The following MYL12A variants were observed in gnomAD, a reference collection of about 807,000 sequenced individuals.
MYL12A encodes the protein myosin light chain 12A.
In MYL12A, 11 loss-of-function variants were observed where a neutral mutation model predicts 13.3. The observed-to-expected ratio is 0.83, with a 90% CI of 0.52 to 1.37. MYL12A has a LOEUF of 1.37. Ranked by LOEUF, MYL12A falls within the 40% of genes most tolerant of loss-of-function variation. The probability of loss-of-function intolerance (pLI) is 0.00; values close to 1 mark genes in which losing one functional copy is unlikely to be tolerated. For synonymous variants in MYL12A, 51 were observed against 69.9 expected (o/e 0.73, Z 1.35); for missense variants, 146 against 212.3 (o/e 0.69, Z 1.94).
chr18:3,255,943 G>T lies in MYL12A; in HGVS notation c.*25G>T, dbSNP rs189386189. Reference sequence around the variant, plus strand: ...AAATAACTTCAAATTCCAGCCAAACGTTCCTTGTTGCCACTTTGGGTATTC... The same window carrying T: ...AAATAACTTCAAATTCCAGCCAAACTTTCCTTGTTGCCACTTTGGGTATTC... On this transcript the variant is annotated 3_prime_UTR_variant, in exon 4 of 4. Transcript: ENST00000217652. 1 of 1,609,414 alleles carries T rather than the reference G, an allele frequency of 6.2e-7. No individual in the cohort carries two copies. The highest frequency in any genetic ancestry group is 1.3e-5 in the African/African-American group (1 of 74,840).
intron 1 of MYL12A, chr18:3,252,388 T>TG: frequency 6.7e-7 from 1 of 1,502,018 alleles, no homozygotes; most frequent in Non-Finnish European, 8.9e-7. Flanking sequence ...TTTTGTAGTT[T>TG]TTAACAGATT....
At chr18:3,249,365 C>T (rs899029688) in intron 1 of MYL12A, 1 of 152,134 alleles carries the variant, frequency 6.6e-6, no homozygotes, top group African/African-American at 2.4e-5. Flanking sequence ...TTACAGCCCA[C>T]AATGATTCTG....
In MYL12A at chr18:3,253,373, G is replaced by T; in HGVS notation, c.126G>T (p.Gln42His). Residue 42 changes from glutamine to histidine, a missense_variant, in exon 2 of 4, where the codon CAG (glutamine) becomes CAT (histidine). Coordinates refer to ENST00000217652, the MANE Select transcript of MYL12A (RefSeq NM_006471.4). ...EFKEAFNMID[Q>H]NRDGFIDKED... is the part of the protein sequence containing the mutation. The stretch of plus-strand genomic sequence containing the variant: ...AAGAGGCCTTCAACATGATTGATCA[G>T]AACAGAGATGGTTTCATCGACAAGG... 1 of 1,613,904 alleles carries T rather than the reference G, an allele frequency of 6.2e-7. No individual in the cohort carries two copies. The highest frequency in any genetic ancestry group is 2.2e-5 in the East Asian group (1 of 44,874).
intron 2 of MYL12A, 66 bp downstream of exon 2, chr18:3,253,494 A>C: frequency 1.4e-5 from 22 of 1,558,520 alleles, no homozygotes; most frequent in South Asian, 2.4e-5. Context: ...TCTTGATTTC[A>C]TGAGTCTTAA....
At chr18:3,252,325 G>A in intron 1 of MYL12A, 3 of 1,532,770 alleles carry the variant, frequency 2.0e-6, no homozygotes, top group Non-Finnish European at 2.6e-6. Context: ...TCTGAAGGAT[G>A]GTATGGTAGA....
In MYL12A at chr18:3,252,255, C is replaced by G. The variant is rs2081493403; in HGVS notation, c.-15-978C>G. ...TAGACCTGCTTGGAAGAATATAACT[C>G]AATGCAGTGTCTTACTTTTGCTGCT... On this transcript the variant is annotated intron_variant, in intron 1 of 3. Coordinates refer to ENST00000217652, the MANE Select transcript of MYL12A (RefSeq NM_006471.4). 4.6e-6 allele frequency: 6 copies of G among 1,307,554 alleles called. No homozygotes were observed. The African/African-American group carries it at 5.9e-5, about 13-fold the overall frequency. 81.0% of individuals were successfully genotyped at this position (1,307,554 alleles called of 1,614,324 possible).
chr18:3,254,564 A>C (rs922310804), intron 3 of MYL12A, among the ~76,000 whole-genome samples: 1 of 152,250 alleles, frequency 6.6e-6, no homozygotes, highest in Non-Finnish European at 1.5e-5. Flanking sequence ...CAAGTTGCTT[A>C]ACTTTCTCTA....
intron 1 of MYL12A, among the ~76,000 whole-genome samples, chr18:3,251,308 ATTTAG>A (rs1567983554): frequency 6.6e-6 from 1 of 150,840 alleles, no homozygotes; most frequent in African/African-American, 2.4e-5. Context: ...ACCCTCGTAA[ATTTAG>A]TTATATGAGA....
At chr18:3,255,623 A>G (rs1567985172) in intron 3 of MYL12A, 123 bp from the exon 4 acceptor site, 6 of 1,229,762 alleles carry the variant, frequency 4.9e-6, no homozygotes, top group Non-Finnish European at 3.3e-6. Flanking sequence ...GACACCCTGT[A>G]GTTCATATAT....
chr18:3,255,580 G>T (rs2081528400), intron 3 of MYL12A, 166 bp from the exon 4 acceptor site: 6 of 795,366 alleles, frequency 7.5e-6, no homozygotes, highest in Non-Finnish European at 1.1e-5. Context: ...ATTTTTCTAG[G>T]CACTTCTCTG....
intron 3 of MYL12A, among the ~76,000 whole-genome samples, chr18:3,255,132 G>A (rs998321524): frequency 6.6e-6 from 1 of 152,154 alleles, no homozygotes; most frequent in African/African-American, 2.4e-5. Flanking sequence ...CATAGTTAGT[G>A]CTCAAATATT....
At chr18:3,251,749 T>A (rs1369117642) in intron 1 of MYL12A, among the ~76,000 whole-genome samples, 2 of 152,190 alleles carry the variant, frequency 1.3e-5, no homozygotes, top group Non-Finnish European at 2.9e-5. Context: ...AAAGGCAGCA[T>A]CCTAAAAGTT....
In MYL12A at chr18:3,253,981, A is replaced by C; in HGVS notation, c.274A>C (p.Lys92Gln). 6.2e-7 allele frequency: 1 copy of C among 1,613,922 alleles called. No homozygotes were observed. The highest frequency in any genetic ancestry group is 1.7e-4 in the Middle Eastern group (1 of 6,054). The change falls in exon 3 of 4, where the codon AAG becomes CAG. Residue 92 changes from lysine (K) to glutamine (Q), a missense_variant. Physicochemically the swap from Lys to Gln is moderately conservative, Grantham distance 53 (BLOSUM62 1). Transcript: ENST00000217652. ...CATGTTCCTCACCATGTTTGGTGAG[A>C]AGTTAAATGGCACAGATCCTGAAGA... ...FTMFLTMFGE[K>Q]LNGTDPEDVI...
chr18:3,255,712 T>A, intron 3 of MYL12A, 34 bp from the exon 4 acceptor site: 1 of 1,593,208 alleles, frequency 6.3e-7, no homozygotes, highest in Non-Finnish European at 8.6e-7. Context: ...CTCAGAATAG[T>A]ATGTATTCTG....
At chr18:3,252,392 A>AGTTTTG in intron 1 of MYL12A, 1 of 1,497,130 alleles carries the variant, frequency 6.7e-7, no homozygotes, top group Non-Finnish European at 9.0e-7. Context: ...GTAGTTTTTA[A>AGTTTTG]CAGATTGAGT....
chr18:3,253,294 G>A lies in MYL12A; in HGVS notation c.47G>A (p.Arg16His), dbSNP rs779497317. The A allele has an allele frequency of 3.7e-6, 6 of 1,613,882 alleles. No individual in the cohort carries two copies. Among genetic ancestry groups the A allele is most frequent in the East Asian group, 2.2e-5 (1 of 44,898 alleles). ...TKTKTKKRPQ[R>H]ATSNVFAMFD... Reference sequence around the variant, plus strand: ...ACCAAGACCAAGAAGCGCCCTCAGCGTGCAACATCCAATGTGTTTGCTATG... The same window carrying A: ...ACCAAGACCAAGAAGCGCCCTCAGCATGCAACATCCAATGTGTTTGCTATG... Residue 16 changes from arginine (R) to histidine (H), a missense_variant, in exon 2 of 4, where the codon CGT becomes CAT. Transcript: ENST00000217652.
At chr18:3,253,693 G>A (rs2081509944) in intron 2 of MYL12A, 196 bp from the exon 3 acceptor site, 3 of 695,644 alleles carry the variant, frequency 4.3e-6, no homozygotes, top group Non-Finnish European at 7.1e-6. Context: ...ACATTCCAAT[G>A]GACTATCATA....
intron 2 of MYL12A, 154 bp downstream of exon 2, chr18:3,253,582 C>A: frequency 1.1e-6 from 1 of 951,670 alleles, no homozygotes; most frequent in Non-Finnish European, 1.5e-6. Context: ...GGATCACCAG[C>A]AGATTCGTGA....
In MYL12A at chr18:3,252,222, G is replaced by A. The variant is rs910592261; in HGVS notation, c.-15-1011G>A. The A allele has an allele frequency of 1.3e-5, 12 of 914,020 alleles. No homozygotes were observed. The African/African-American group carries it at 1.8e-4, about 14-fold the overall frequency. 56.6% of individuals were successfully genotyped at this position (914,020 alleles called of 1,614,324 possible). The stretch of plus-strand genomic sequence containing the variant: ...TCCTGGTCAGAGTGAAATCAGTAGT[G>A]CCTATTTTAGACCTGCTTGGAAGAA... On this transcript the variant is annotated intron_variant, in intron 1 of 3. Transcript: ENST00000217652.
Sources: allele counts gnomAD v4.1 joint callset (sites outside exome capture counted in the v4.1 genomes callset), GRCh38; gene constraint gnomAD v4.1.1; transcripts MANE v1.5; gene names NCBI Gene and HGNC (gene_info 2026-07-23, HGNC 2026-07-21).